PRKDC: variants seen among roughly 807,000 people sequenced by gnomAD.
PRKDC encodes protein kinase, DNA-activated, catalytic subunit, also known as DNA-dependent protein kinase catalytic subunit.
PRKDC carries 82 observed loss-of-function variants against 486.9 expected under a neutral mutation model. The observed-to-expected ratio is 0.17, with a 90% CI of 0.14 to 0.20. The LOEUF (loss-of-function observed/expected upper bound fraction) is 0.20, where lower values mean the gene tolerates loss of function less well. PRKDC is among the 10% of genes least tolerant of loss of function. PRKDC has a pLI of 1.00. For synonymous variants in PRKDC, 1,895 were observed against 1,837.0 expected (o/e 1.03, Z -0.81); for missense variants, 4,504 against 5,038.2 (o/e 0.89, Z 3.21).
chr8:47,820,328 T>C (rs1045886642), intron 66 of PRKDC, among the ~76,000 whole-genome samples: 143 of 152,140 alleles, frequency 9.4e-4, no homozygotes, highest in African/African-American at 3.3e-3. Flanking sequence ...TTGAACCAGA[T>C]TGCGCCATTG....
At chr8:47,789,086 C>T in intron 75 of PRKDC, 37 bp from the exon 76 acceptor site, 1 of 1,612,270 alleles carries the variant, frequency 6.2e-7, no homozygotes, top group Non-Finnish European at 8.5e-7. Flanking sequence ...AAAAATCAAG[C>T]TAGATTGCAA....
At position 47,881,510 on chromosome 8, in the gene PRKDC, G is replaced by C. The variant is rs777767817; in HGVS notation, c.4973C>G (p.Ser1658Cys). ...LLAKILQIDS[S>C]VSFNTSHGSF... ...ACCATGACTTGTATTAAAAGATACA[G>C]ATGAATCAATCTAAAGGAAGGAAAA... is the stretch of plus-strand genomic sequence containing the variant. Residue 1658 changes from serine to cysteine, a missense_variant, in exon 38 of 86, where the codon TCT becomes TGT. This residue lies in a region of PRKDC where 1,969 missense variants were observed against 2,068.9 expected (regional missense o/e 0.95). Coordinates refer to ENST00000314191, the MANE Select transcript of PRKDC (RefSeq NM_006904.7). 4.6e-6 allele frequency: 7 copies of C among 1,506,364 alleles called. 1 individual carries two copies. The highest frequency in any genetic ancestry group is 3.4e-4 in the Middle Eastern group (2 of 5,830). The allele number at this position is 1,506,364 out of a possible 1,614,324, so 93.3% of individuals were successfully genotyped here.
intron 7 of PRKDC, among the ~76,000 whole-genome samples, chr8:47,945,717 T>G (rs1292659735): frequency 2.0e-5 from 3 of 151,940 alleles, no homozygotes; most frequent in African/African-American, 7.3e-5. Context: ...AACATAGGTG[T>G]GAAAATTCTA....
At chr8:47,820,990 G>A (rs2087581264) in intron 65 of PRKDC, 47 bp from the exon 66 acceptor site, 3 of 1,191,972 alleles carry the variant, frequency 2.5e-6, no homozygotes, top group Non-Finnish European at 3.5e-6. Context: ...GCCAATTTGA[G>A]TATGTCTAAT....
At chr8:47,933,478 T>C (rs561851450) in intron 15 of PRKDC, among the ~76,000 whole-genome samples, 9 of 152,248 alleles carry the variant, frequency 5.9e-5, no homozygotes, top group Non-Finnish European at 1.0e-4. Flanking sequence ...AATTAATCTG[T>C]GGATGTGTAT....
At chr8:47,847,239 A>AT (rs1386386098) in intron 54 of PRKDC, among the ~76,000 whole-genome samples, 46 of 152,338 alleles carry the variant, frequency 3.0e-4, no homozygotes, top group African/African-American at 1.0e-3. Context: ...CAACTTCACT[A>AT]TACTACAGGG....
chr8:47,800,225 T>C (rs1285076942), intron 71 of PRKDC, among the ~76,000 whole-genome samples: 3 of 151,864 alleles, frequency 2.0e-5, no homozygotes, highest in African/African-American at 7.3e-5. Context: ...CCAACAATGA[T>C]AGACTGGATT....
chr8:47,906,043 A>G (rs1157666164), intron 25 of PRKDC, among the ~76,000 whole-genome samples: 1 of 152,216 alleles, frequency 6.6e-6, no homozygotes, highest in Non-Finnish European at 1.5e-5. Flanking sequence ...TCTAACCCTC[A>G]TTATACATGA....
At chr8:47,804,045 A>G (rs1210197727) in intron 69 of PRKDC, among the ~76,000 whole-genome samples, 1 of 151,986 alleles carries the variant, frequency 6.6e-6, no homozygotes. Context: ...CATTTTCACT[A>G]CCCCAAAAAG....
At chr8:47,905,172 T>G (rs1466935631) in intron 25 of PRKDC, among the ~76,000 whole-genome samples, 196 bp from the exon 26 acceptor site, 1 of 152,158 alleles carries the variant, frequency 6.6e-6, no homozygotes, top group East Asian at 1.9e-4. Context: ...ACTACAGGCA[T>G]GTACCACCAC....
intron 28 of PRKDC, among the ~76,000 whole-genome samples, chr8:47,900,038 C>T (rs1047002995): frequency 6.6e-6 from 1 of 152,198 alleles, no homozygotes; most frequent in African/African-American, 2.4e-5. Flanking sequence ...CCAGTTTCTT[C>T]AGCACCATAT....
At position 47,830,817 on chromosome 8, in the gene PRKDC, G is replaced by C. The variant is rs941704022; in HGVS notation, c.8266-81C>G. ...CGTGCATGAGCTATGAGGCTGCCAG[G>C]ATCCCCTGAACCATGAGGGCGAAGT... On this transcript the variant is annotated intron_variant, in intron 60 of 85. Coordinates refer to ENST00000314191, the MANE Select transcript of PRKDC (RefSeq NM_006904.7). 3 of 1,570,040 alleles carry C rather than the reference G, an allele frequency of 1.9e-6. No homozygotes were observed. In the African/African-American group the frequency reaches 4.1e-5, roughly 21 times the overall value.
chr8:47,783,913 T>TA lies in PRKDC; in HGVS notation c.11108-105dup. On this transcript the variant is annotated intron_variant, in intron 77 of 85. Transcript: ENST00000314191. Reference sequence around the variant, plus strand: ...TTTTTAAAAAGCCAATCTAACATGATAAAACCTTTTACTGAAAAGTTTTCA... The same window carrying TA: ...TTTTTAAAAAGCCAATCTAACATGATAAAAACCTTTTACTGAAAAGTTTTCA... 3 of 1,138,364 alleles carry TA rather than the reference T, an allele frequency of 2.6e-6. No individual in the cohort carries two copies. In the South Asian group the frequency reaches 3.9e-5, roughly 15 times the overall value. The allele number at this position is 1,138,364 out of a possible 1,614,324, so 70.5% of individuals were successfully genotyped here.
intron 10 of PRKDC, among the ~76,000 whole-genome samples, chr8:47,940,741 A>G (rs545904171): frequency 6.6e-6 from 1 of 152,354 alleles, no homozygotes; most frequent in Admixed American, 6.5e-5. Flanking sequence ...TATTTCCTGG[A>G]TATAGTATTA....
At chr8:47,818,984 G>A (rs1203965676) in intron 67 of PRKDC, among the ~76,000 whole-genome samples, 1 of 152,180 alleles carries the variant, frequency 6.6e-6, no homozygotes, top group Non-Finnish European at 1.5e-5. Context: ...CTTCAAGCCA[G>A]GGCACCCAGA....
At position 47,782,065 on chromosome 8, in the gene PRKDC, T is replaced by C; in HGVS notation, c.11489+97A>G. On this transcript the variant is annotated intron_variant, in intron 80 of 85. Transcript: ENST00000314191. This position sits in a 1 kb window ranked among gnomAD's most constrained non-coding sequence, Gnocchi z 4.9. ...AGCCAGCAGACTGCGGGGCAGGCAGTGTGGGCTCTCGAGCGCGCCTGTCAC... is the reference window on the plus strand; with the variant it reads ...AGCCAGCAGACTGCGGGGCAGGCAGCGTGGGCTCTCGAGCGCGCCTGTCAC... 1.9e-6 allele frequency: 2 copies of C among 1,037,126 alleles called. No homozygotes were observed. The highest frequency in any genetic ancestry group is 2.4e-5 in the East Asian group (1 of 41,454). The allele number at this position is 1,037,126 out of a possible 1,614,324, so 64.2% of individuals were successfully genotyped here.
Position 47,912,472 on chromosome 8 carries a change from T to C in PRKDC, c.2872A>G (p.Met958Val). Reference sequence around the variant, plus strand: ...AACGTCCGCTTATAGAGCTGGTACATGGGTGGGGCTCCCTGTCCCCCTTCT... The same window carrying C: ...AACGTCCGCTTATAGAGCTGGTACACGGGTGGGGCTCCCTGTCCCCCTTCT... ...MPEGGQGAPP[M>V]YQLYKRTFPV... Residue 958 changes from methionine (M) to valine (V), a missense_variant, in exon 25 of 86, where the codon ATG (methionine) becomes GTG (valine). Met to Val is a conservative substitution (Grantham distance 21, BLOSUM62 1). This residue lies in a region of PRKDC where 1,969 missense variants were observed against 2,068.9 expected (regional missense o/e 0.95). Coordinates refer to ENST00000314191, the MANE Select transcript of PRKDC (RefSeq NM_006904.7). 6.2e-7 allele frequency: 1 copy of C among 1,612,740 alleles called. No homozygotes were observed. Among genetic ancestry groups the C allele is most frequent in the Non-Finnish European group, 8.5e-7 (1 of 1,179,258 alleles).
chr8:47,937,391 G>T (rs1385943743), intron 11 of PRKDC, among the ~76,000 whole-genome samples: 1 of 152,216 alleles, frequency 6.6e-6, no homozygotes, highest in Non-Finnish European at 1.5e-5. Flanking sequence ...GCACTGTTTA[G>T]ACAGTGGGTA....
At chr8:47,939,497 C>T in intron 11 of PRKDC, 54 bp downstream of exon 11, 2 of 1,562,216 alleles carry the variant, frequency 1.3e-6, no homozygotes, top group Non-Finnish European at 1.8e-6. Context: ...AATTAGATTC[C>T]TTTAAACAAT....
Sources: gnomAD v4.1 joint callset for allele counts (sites outside exome capture counted in the v4.1 genomes callset) on GRCh38, gnomAD v4.1.1 for gene constraint, gnomAD v4.1.1 regional missense constraint, Gnocchi (gnomAD v3.1) non-coding constraint, MANE v1.5 for transcripts, NCBI Gene and HGNC (gene_info 2026-07-23, HGNC 2026-07-21) for gene names.